Variants in TLE2 observed in about 807,000 individuals in gnomAD.
TLE2 encodes the protein transducin-like enhancer protein 2.
TLE2 carries 74 observed loss-of-function variants against 97.2 expected under a neutral mutation model. The ratio of observed to expected loss-of-function variants is 0.76; its 90% CI spans 0.63 to 0.92. The LOEUF (loss-of-function observed/expected upper bound fraction) is 0.92, where lower values mean the gene tolerates loss of function less well. Ranked by LOEUF, TLE2 falls within the 40% of genes least tolerant of loss-of-function variation. The pLI, the probability that TLE2 is intolerant of heterozygous loss-of-function variation, is 0.00. For synonymous variants in TLE2, 499 were observed against 432.1 expected (o/e 1.15, Z -1.92); for missense variants, 1,038 against 1,008.7 (o/e 1.03, Z -0.39).
In TLE2 at chr19:3,041,864, G is replaced by A. The variant is rs187806350; in HGVS notation, c.63+3862C>T. ...GCAGCCAGGCCCAGAGAGGCCTAGG[G>A]ACCTGCCCACGGTCACACAGCCACG... On this transcript the variant is annotated intron_variant, in intron 1 of 18. Transcript: ENST00000426948. 8.8e-4 allele frequency among the ~76,000 whole-genome samples: 134 copies of A among 152,276 alleles called. 1 individual carries two copies. Among genetic ancestry groups the A allele is most frequent in the Non-Finnish European group, 1.7e-3 (115 of 68,030 alleles).
At chr19:3,006,399 A>G (rs1249037665) in intron 15 of TLE2, 21 bp downstream of exon 15, 1 of 1,599,006 alleles carries the variant, frequency 6.3e-7, no homozygotes, top group East Asian at 2.2e-5. Flanking sequence ...AGTCCCGCCC[A>G]CTGTCCCACC....
intron 3 of TLE2, 93 bp downstream of exon 3, chr19:3,028,226 G>A (rs1170871549): frequency 3.1e-6 from 4 of 1,310,670 alleles, no homozygotes; most frequent in Non-Finnish European, 3.2e-6. Flanking sequence ...GGAAGACGAG[G>A]TTCGGAGTGG....
At chr19:3,015,963 G>C (rs2089694813) in intron 8 of TLE2, 2 of 659,046 alleles carry the variant, frequency 3.0e-6, no homozygotes, top group Non-Finnish European at 5.6e-6. Context: ...TTTTGACGGA[G>C]TCTTGCTCTG....
chr19:3,043,818 A>C (rs1282103792), intron 1 of TLE2, among the ~76,000 whole-genome samples: 2 of 150,936 alleles, frequency 1.3e-5, no homozygotes, highest in African/African-American at 4.9e-5. Flanking sequence ...TCAAAAAAAC[A>C]AAACAAAACA....
intron 11 of TLE2, 33 bp from the exon 12 acceptor site, chr19:3,011,193 G>A (rs1343721038): frequency 8.4e-6 from 13 of 1,540,240 alleles, no homozygotes; most frequent in Middle Eastern, 1.8e-4. Flanking sequence ...AAGGCCACCA[G>A]GCACCTGGTG....
chr19:3,015,277 T>C (rs2089678205), intron 9 of TLE2, among the ~76,000 whole-genome samples: 1 of 152,124 alleles, frequency 6.6e-6, no homozygotes, highest in Non-Finnish European at 1.5e-5. Flanking sequence ...TGTGCAGCCG[T>C]CTGGCAATGA....
intron 14 of TLE2, among the ~76,000 whole-genome samples, chr19:3,007,839 C>T (rs1317887903): frequency 7.2e-5 from 11 of 152,114 alleles, no homozygotes; most frequent in East Asian, 1.9e-4. Flanking sequence ...AATCCCAGCA[C>T]TTCGAGAGGC....
In TLE2 at chr19:3,006,038, G is replaced by C. The variant is rs921154962; in HGVS notation, c.1501-70C>G. ...GAGGTCTCTAGGAGCCTAGCTCAACGTGGGGGTCTCTGGAGCCCAATGTAG... is the reference window on the plus strand; with the variant it reads ...GAGGTCTCTAGGAGCCTAGCTCAACCTGGGGGTCTCTGGAGCCCAATGTAG... On this transcript the variant is annotated intron_variant, in intron 15 of 19. Transcript: ENST00000262953. 3 of 1,562,924 alleles carry C rather than the reference G, an allele frequency of 1.9e-6. No individual in the cohort carries two copies. In the Admixed American group the frequency reaches 5.0e-5, roughly 26 times the overall value.
intron 4 of TLE2, among the ~76,000 whole-genome samples, chr19:3,026,443 T>C (rs1250613780): frequency 7.0e-6 from 1 of 142,846 alleles, no homozygotes; most frequent in Non-Finnish European, 1.5e-5. Flanking sequence ...AGTGAAACTT[T>C]GTCTCAAAAT....
rs546973544 is a variant in TLE2, at chr19:3,013,170, C to T, written c.873+499G>A. Among the ~76,000 whole-genome samples, 19 of 152,084 alleles carry T rather than the reference C, an allele frequency of 1.2e-4. 1 individual carries two copies. The South Asian group carries it at 4.0e-3, about 32-fold the overall frequency. On this transcript the variant is annotated intron_variant, in intron 11 of 19. Transcript: ENST00000262953. ...GCAAAAGGAGCTGAATTTCTAATGC[C>T]CTGGGGGTGCTTTTAGATGGCTCAC... is the stretch of plus-strand genomic sequence containing the variant.
chr19:3,009,833 C>G, intron 12 of TLE2, 131 bp from the exon 13 acceptor site: 2 of 1,063,240 alleles, frequency 1.9e-6, no homozygotes, highest in Non-Finnish European at 2.7e-6. Flanking sequence ...TAGCCTGGGA[C>G]ACCTCCAGAC....
chr19:3,021,133 G>C lies in TLE2; in HGVS notation c.295-1360C>G, dbSNP rs550170397. On this transcript the variant is annotated intron_variant, in intron 5 of 19. Transcript: ENST00000262953. ...AAAAAAAGGGGGGGGGGTGCTGAGCGTGGTGACTCACACCTGTAATCCCAG... is the reference window on the plus strand; with the variant it reads ...AAAAAAAGGGGGGGGGGTGCTGAGCCTGGTGACTCACACCTGTAATCCCAG... Among the ~76,000 whole-genome samples, 10 of 138,018 alleles carry C rather than the reference G, an allele frequency of 7.2e-5. No homozygotes were observed. In the East Asian group the frequency reaches 1.9e-3, roughly 27 times the overall value. The allele number at this position is 138,018 out of a possible 152,430, so 90.5% of individuals were successfully genotyped here.
upstream of TLE2, among the ~76,000 whole-genome samples, chr19:3,034,250 C>T (rs981087793): frequency 3.9e-5 from 6 of 151,900 alleles, no homozygotes; most frequent in African/African-American, 7.3e-5. Context: ...GGCCTTTGTC[C>T]TCTCTCCCAT....
chr19:2,998,007 G>C, intron 19 of TLE2, 52 bp from the exon 20 acceptor site: 3 of 1,355,648 alleles, frequency 2.2e-6, no homozygotes, highest in Non-Finnish European at 3.1e-6. Context: ...GGTCCCCACA[G>C]ATGGGTGTGT....
intron 1 of TLE2, among the ~76,000 whole-genome samples, chr19:3,041,779 C>A (rs2090105201): frequency 6.6e-6 from 1 of 152,232 alleles, no homozygotes; most frequent in South Asian, 2.1e-4. Context: ...AGGCCCGCTG[C>A]TGCCCCAGGT....
chr19:3,021,052 G>A (rs946105086), intron 5 of TLE2, among the ~76,000 whole-genome samples: 4 of 124,186 alleles, frequency 3.2e-5, no homozygotes, highest in African/African-American at 1.2e-4. Context: ...TTGCACCACT[G>A]CACTCCAGCC....
chr19:3,028,746 T>A lies in TLE2; in HGVS notation c.82A>T (p.Ile28Phe). Residue 28 changes from isoleucine to phenylalanine, a missense_variant, in exon 2 of 20, where the codon ATC becomes TTC. By Grantham distance (21) the Ile-to-Phe change is conservative. Coordinates refer to ENST00000262953, the MANE Select transcript of TLE2 (RefSeq NM_003260.5). The part of the protein sequence containing the change: ...KFSILEICDR[I>F]KEEFQFLQAQ... Reference sequence around the variant, plus strand: ...TGAAGAAACTGGAATTCTTCTTTGATGCGGTCGCAGATCTCCAAGATCGAG... The same window carrying A: ...TGAAGAAACTGGAATTCTTCTTTGAAGCGGTCGCAGATCTCCAAGATCGAG... 6.2e-7 allele frequency: 1 copy of A among 1,612,792 alleles called. No homozygotes were observed. The highest frequency in any genetic ancestry group is 8.5e-7 in the Non-Finnish European group (1 of 1,179,764).
chr19:3,001,187 C>T (rs1208168518), intron 18 of TLE2, among the ~76,000 whole-genome samples: 4 of 151,674 alleles, frequency 2.6e-5, no homozygotes, highest in South Asian at 2.1e-4. Context: ...GCTTGAGAAT[C>T]GCTTGAACCC....
chr19:3,017,116 C>G (rs772578919), intron 8 of TLE2, among the ~76,000 whole-genome samples: 2 of 151,576 alleles, frequency 1.3e-5, no homozygotes, highest in Admixed American at 6.6e-5. Flanking sequence ...GGCTATGGAT[C>G]TTGTTTTTTT....
Sources: allele counts gnomAD v4.1 joint callset (sites outside exome capture counted in the v4.1 genomes callset), GRCh38; gene constraint gnomAD v4.1.1; transcripts MANE v1.5; gene names NCBI Gene and HGNC (gene_info 2026-07-23, HGNC 2026-07-21).